Variants in ZPBP observed in about 807,000 individuals in gnomAD.
ZPBP encodes the protein zona pellucida binding protein.
In ZPBP, 26 loss-of-function variants were observed where a neutral mutation model predicts 44.8. The ratio of observed to expected loss-of-function variants is 0.58; its 90% CI spans 0.43 to 0.81. The LOEUF is 0.81. Ranked by LOEUF, ZPBP falls within the 30% of genes least tolerant of loss-of-function variation. ZPBP has a pLI of 0.00. For missense variants in ZPBP, 409 were observed against 434.0 expected (o/e 0.94, Z 0.51); for synonymous variants, 174 against 153.2 (o/e 1.14, Z -1.00).
chr7:50,054,365 A>G (rs1328120635), intron 4 of ZPBP, among the ~76,000 whole-genome samples: 1 of 152,188 alleles, frequency 6.6e-6, no homozygotes, highest in African/African-American at 2.4e-5. Context: ...AGAATAGCAA[A>G]ATATCTAAAA....
At chr7:49,864,027 G>A (rs547472942) in intron 2 of ZPBP, among the ~76,000 whole-genome samples, 2 of 152,144 alleles carry the variant, frequency 1.3e-5, no homozygotes, top group South Asian at 4.2e-4. Context: ...ATTATAGTGT[G>A]GTAAAATTGG....
intron 7 of ZPBP, among the ~76,000 whole-genome samples, chr7:49,980,302 AT>A (rs1796781116): frequency 1.2e-5 from 1 of 82,770 alleles, no homozygotes; most frequent in South Asian, 3.7e-4. Flanking sequence ...TATATAATAT[AT>A]ATAATATAAA....
At chr7:49,955,052 A>G (rs896627379) in intron 7 of ZPBP, among the ~76,000 whole-genome samples, 4 of 152,214 alleles carry the variant, frequency 2.6e-5, no homozygotes, top group Admixed American at 2.0e-4. Flanking sequence ...GATATATGAA[A>G]GTTAAACAAC....
chr7:50,089,759 T>C, intron 1 of ZPBP, 50 bp from the exon 2 acceptor site: 1 of 1,395,756 alleles, frequency 7.2e-7, no homozygotes, highest in East Asian at 2.4e-5. Context: ...TTCTAAAATA[T>C]TCAAATATAC....
At position 49,902,927 on chromosome 7, in the gene ZPBP, C is replaced by A. The variant is rs147169072; in HGVS notation, n.412-1712G>T. On this transcript the variant is annotated intron_variant and non_coding_transcript_variant, in intron 1 of 2. Coordinates refer to the ZPBP transcript ENST00000465922. ...ATAACACAACATTAAACAATAAAAA[C>A]ACCAAACAATTCAGTTAGAAAATAG... Among the ~76,000 whole-genome samples the A allele has an allele frequency of 3.2e-3, 484 of 152,034 alleles. 6 individuals carry two copies. The highest frequency in any genetic ancestry group is 0.011 in the African/African-American group (451 of 41,476).
chr7:50,048,929 T>A (rs950417114), intron 4 of ZPBP, among the ~76,000 whole-genome samples: 1 of 151,918 alleles, frequency 6.6e-6, no homozygotes, highest in African/African-American at 2.4e-5. Context: ...ATTGATCAAA[T>A]TTTAGCTAGA....
chr7:49,950,642 T>C (rs2128758165), intron 7 of ZPBP, among the ~76,000 whole-genome samples: 1 of 151,846 alleles, frequency 6.6e-6, no homozygotes, highest in Non-Finnish European at 1.5e-5. Flanking sequence ...CACAAATTAA[T>C]ATGGTATATA....
At chr7:50,008,653 C>T (rs757345600) in intron 6 of ZPBP, among the ~76,000 whole-genome samples, 1 of 152,018 alleles carries the variant, frequency 6.6e-6, no homozygotes, top group Admixed American at 6.6e-5. Context: ...CAGTATGGTA[C>T]TGGCATAAAG....
At chr7:49,981,615 T>TATAA (rs1562820211) in intron 7 of ZPBP, among the ~76,000 whole-genome samples, 919 of 26,588 alleles carry the variant, frequency 0.035, 210 homozygotes, top group African/African-American at 0.082. Context: ...TATATAATTA[T>TATAA]ATTATATTAT....
At chr7:49,861,903 G>A (rs1483544185) in intron 2 of ZPBP, among the ~76,000 whole-genome samples, 2 of 152,120 alleles carry the variant, frequency 1.3e-5, no homozygotes, top group Non-Finnish European at 2.9e-5. Context: ...GTAACTTGGT[G>A]GTAAATTGGG....
chr7:49,961,062 AAAGTT>A (rs1346938050), intron 7 of ZPBP, among the ~76,000 whole-genome samples: 2 of 152,156 alleles, frequency 1.3e-5, no homozygotes, highest in Non-Finnish European at 2.9e-5. Context: ...AAAAATAAAT[AAAGTT>A]AAACATACAC....
At chr7:49,988,184 GTT>G (rs1562826743) in intron 6 of ZPBP, among the ~76,000 whole-genome samples, 2 of 152,016 alleles carry the variant, frequency 1.3e-5, no homozygotes, top group African/African-American at 4.8e-5. Flanking sequence ...GTTATACAAG[GTT>G]TTTGCTTTTA....
chr7:50,019,684 T>C (rs1190871337), intron 5 of ZPBP, among the ~76,000 whole-genome samples: 1 of 152,080 alleles, frequency 6.6e-6, no homozygotes, highest in Admixed American at 6.6e-5. Flanking sequence ...TAAACATATT[T>C]CTTTCATACC....
At chr7:50,016,329 A>G (rs902091218) in intron 6 of ZPBP, among the ~76,000 whole-genome samples, 5 of 152,164 alleles carry the variant, frequency 3.3e-5, no homozygotes, top group African/African-American at 1.2e-4. Context: ...CAAATACCAC[A>G]TGTTGTCACT....
chr7:50,049,352 A>G (rs1263225896), intron 4 of ZPBP, among the ~76,000 whole-genome samples: 2 of 152,086 alleles, frequency 1.3e-5, no homozygotes, highest in Non-Finnish European at 2.9e-5. Context: ...AACCAAAGAC[A>G]TCACAAGAAA....
chr7:49,986,421 C>T (rs1307562086), intron 6 of ZPBP, among the ~76,000 whole-genome samples: 5 of 152,192 alleles, frequency 3.3e-5, no homozygotes, highest in Admixed American at 2.0e-4. Flanking sequence ...GGGGCTGGGG[C>T]CCATGCCCAA....
At chr7:50,087,327 T>C (rs1802710055) in intron 2 of ZPBP, among the ~76,000 whole-genome samples, 1 of 152,036 alleles carries the variant, frequency 6.6e-6, no homozygotes, top group Non-Finnish European at 1.5e-5. Flanking sequence ...CATAATCAAC[T>C]GGAATTTATC....
chr7:49,895,306 C>T (rs1282022852), intron 2 of ZPBP, among the ~76,000 whole-genome samples: 12 of 152,312 alleles, frequency 7.9e-5, no homozygotes, highest in Non-Finnish European at 1.5e-4. Context: ...TAATCACCTC[C>T]TGAAGGCTTC....
At chr7:49,896,432 AAAAGAG>A (rs1404500644) in intron 2 of ZPBP, among the ~76,000 whole-genome samples, 2 of 152,234 alleles carry the variant, frequency 1.3e-5, no homozygotes, top group Non-Finnish European at 2.9e-5. Context: ...CTCACATTAG[AAAAGAG>A]AAAAAAATTC....
Sources: allele counts gnomAD v4.1 joint callset (sites outside exome capture counted in the v4.1 genomes callset), GRCh38; gene constraint gnomAD v4.1.1; transcripts MANE v1.5; gene names NCBI Gene and HGNC (gene_info 2026-07-23, HGNC 2026-07-21).